Variants in DOCK1 observed in about 807,000 individuals in gnomAD.
DOCK1 encodes the protein dedicator of cytokinesis protein 1.
Under a neutral mutation model 262.7 loss-of-function variants are expected in DOCK1, and 138 were observed. The ratio of observed to expected loss-of-function variants is 0.53; its 90% confidence interval spans 0.46 to 0.61. The LOEUF is 0.61. Among genes scored for constraint, DOCK1 ranks in the 20% least tolerant of loss-of-function variants. The pLI is 0.00. For missense variants in DOCK1, 1,908 were observed against 2,370.7 expected (o/e 0.80, Z 4.05); for synonymous variants, 866 against 867.4 (o/e 1.00, Z 0.03).
In DOCK1 at chr10:127,437,413, C is replaced by A. The variant is rs1380012661; in HGVS notation, c.5061-1614C>A. ...GTTCATCTTACTCCCCATTATGGGA[C>A]ACACAACATGGAAATAATCAACAGT... On this transcript the variant is annotated intron_variant, in intron 48 of 51. Transcript: ENST00000623213. This position sits in a 1 kb window ranked among gnomAD's most constrained non-coding sequence, Gnocchi z 4.4. Among the ~76,000 whole-genome samples the A allele has an allele frequency of 1.3e-5, 2 of 151,988 alleles. No homozygotes were observed. The highest frequency in any genetic ancestry group is 2.9e-5 in the Non-Finnish European group (2 of 67,980).
At chr10:127,125,350 A>G (rs1057081645) in intron 25 of DOCK1, 124 bp from the exon 26 acceptor site, 2 of 1,343,158 alleles carry the variant, frequency 1.5e-6, no homozygotes, top group Admixed American at 2.2e-5. Context: ...CCCCCTCCAG[A>G]TGTCAGTTCC....
chr10:126,958,126 G>A (rs944071746), intron 1 of DOCK1, among the ~76,000 whole-genome samples: 6,040 of 152,166 alleles, frequency 0.04, 157 homozygotes, highest in African/African-American at 0.072. Flanking sequence ...GGGTGTACAC[G>A]GCGTATAGAA....
chr10:127,347,866 T>C (rs1216592936), intron 31 of DOCK1, among the ~76,000 whole-genome samples: 494 of 36,446 alleles, frequency 0.014, 33 homozygotes, highest in Non-Finnish European at 0.017. Context: ...TCCCTTCCCT[T>C]CCCTTCCCTT....
At chr10:127,061,639 G>A in intron 22 of DOCK1, 29 bp from the exon 23 acceptor site, 1 of 1,558,612 alleles carries the variant, frequency 6.4e-7, no homozygotes, top group Non-Finnish European at 8.7e-7. Context: ...TTTCTGCCAG[G>A]CCCCCACAGT....
intron 27 of DOCK1, among the ~76,000 whole-genome samples, chr10:127,226,861 C>A (rs1309220120): frequency 6.6e-6 from 1 of 152,152 alleles, no homozygotes; most frequent in Non-Finnish European, 1.5e-5. Flanking sequence ...CTCCCATCCC[C>A]ACCTTCACCT....
At chr10:127,373,895 G>C (rs771626605) in intron 34 of DOCK1, 29 bp downstream of exon 34, 2 of 1,584,662 alleles carry the variant, frequency 1.3e-6, no homozygotes, top group South Asian at 2.3e-5. Context: ...TGGGATTTAT[G>C]TCTGAGAGAT....
intron 27 of DOCK1, among the ~76,000 whole-genome samples, chr10:127,218,793 C>A (rs1356846563): frequency 1.3e-5 from 2 of 152,222 alleles, no homozygotes; most frequent in Admixed American, 1.3e-4. Context: ...TTATAAAGAA[C>A]AAAAATTTGT....
At chr10:127,315,531 T>A (rs2062238985) in intron 29 of DOCK1, among the ~76,000 whole-genome samples, 3 of 152,102 alleles carry the variant, frequency 2.0e-5, no homozygotes, top group Admixed American at 6.5e-5. Context: ...CACACCTTGA[T>A]CTTGAACTTC....
chr10:127,115,051 G>A (rs954994920), intron 25 of DOCK1, among the ~76,000 whole-genome samples: 11 of 152,072 alleles, frequency 7.2e-5, no homozygotes, highest in African/African-American at 1.7e-4. Flanking sequence ...CACCGCGCCC[G>A]GCCAGTCCAT....
chr10:127,155,303 A>T (rs1390630372), intron 27 of DOCK1, among the ~76,000 whole-genome samples: 1 of 152,058 alleles, frequency 6.6e-6, no homozygotes. Context: ...ACATGCCGTG[A>T]TTGTCTCAGT....
intron 27 of DOCK1, among the ~76,000 whole-genome samples, chr10:127,222,710 G>A (rs1366747854): frequency 6.6e-6 from 1 of 151,958 alleles, no homozygotes; most frequent in Admixed American, 6.6e-5. Flanking sequence ...CTGCCACCCA[G>A]GCTGGAGTGC....
intron 27 of DOCK1, among the ~76,000 whole-genome samples, chr10:127,157,382 A>G (rs866435377): frequency 1.3e-5 from 2 of 152,268 alleles, no homozygotes; most frequent in Non-Finnish European, 2.9e-5. Context: ...AGATGAGGAC[A>G]TGTGTATAAA....
chr10:127,347,713 G>A (rs2063698508), intron 31 of DOCK1, among the ~76,000 whole-genome samples: 1 of 151,252 alleles, frequency 6.6e-6, no homozygotes, highest in South Asian at 2.1e-4. Flanking sequence ...TGGTATAAAG[G>A]TGGAGCCATG....
intron 40 of DOCK1, among the ~76,000 whole-genome samples, chr10:127,406,906 A>C (rs1306930655): frequency 1.3e-5 from 2 of 152,154 alleles, no homozygotes; most frequent in African/African-American, 4.8e-5. Context: ...GTTTGATAGT[A>C]GTCTGTTATC....
chr10:127,031,198 C>T (rs536852670), intron 16 of DOCK1, among the ~76,000 whole-genome samples: 1 of 152,364 alleles, frequency 6.6e-6, no homozygotes, highest in African/African-American at 2.4e-5. Context: ...CTGTCGTTTA[C>T]TGTGGCCTCT....
At chr10:127,338,309 TAG>T (rs1364023589) in intron 29 of DOCK1, among the ~76,000 whole-genome samples, 1 of 152,242 alleles carries the variant, frequency 6.6e-6, no homozygotes. Context: ...GTTGGTATTC[TAG>T]AGTCACGTGT....
intron 27 of DOCK1, among the ~76,000 whole-genome samples, chr10:127,235,132 A>G (rs1290608472): frequency 6.6e-6 from 1 of 150,708 alleles, no homozygotes; most frequent in Admixed American, 6.6e-5. Flanking sequence ...TACTTTGTAT[A>G]CTTTATAAAG....
chr10:127,341,662 G>A (rs1295468459), intron 30 of DOCK1, among the ~76,000 whole-genome samples: 2 of 152,132 alleles, frequency 1.3e-5, no homozygotes, highest in African/African-American at 4.8e-5. Context: ...TGGTGGGGGA[G>A]CCTGTTTCTC....
chr10:127,295,594 G>A (rs1271699595), intron 29 of DOCK1, among the ~76,000 whole-genome samples: 5 of 152,028 alleles, frequency 3.3e-5, no homozygotes, highest in African/African-American at 1.2e-4. Flanking sequence ...GCTGAGGCGA[G>A]AAGATTGTTT....
Sources: gnomAD v4.1 joint callset for allele counts (sites outside exome capture counted in the v4.1 genomes callset) on GRCh38, gnomAD v4.1.1 for gene constraint, Gnocchi (gnomAD v3.1) non-coding constraint, MANE v1.5 for transcripts, NCBI Gene and HGNC (gene_info 2026-07-23, HGNC 2026-07-21) for gene names.